SLC7A1: variants seen among roughly 807,000 people sequenced by gnomAD.
SLC7A1 encodes the protein solute carrier family 7 member 1, also known as high affinity cationic amino acid transporter 1.
A neutral mutation model predicts 53.9 loss-of-function variants in SLC7A1; 10 were observed. The ratio of observed to expected loss-of-function variants is 0.19; its 90% CI spans 0.11 to 0.31. The LOEUF is 0.31. Among genes scored for constraint, SLC7A1 ranks in the 10% least tolerant of loss-of-function variants. SLC7A1 has a pLI of 1.00. For synonymous variants in SLC7A1, 342 were observed against 338.7 expected, an observed-to-expected ratio of 1.01 and a Z score of -0.11; for missense variants, 525 against 827.2, an observed-to-expected ratio of 0.63 and a Z score of 4.48.
chr13:29,550,962 A>G (rs1421305269), intron 2 of SLC7A1, among the ~76,000 whole-genome samples: 2 of 152,232 alleles, frequency 1.3e-5, no homozygotes, highest in Admixed American at 6.5e-5. Context: ...CATTGCTTCA[A>G]TGGTGGGGAT....
At chr13:29,568,841 C>T (rs73454208) in intron 1 of SLC7A1, among the ~76,000 whole-genome samples, 4 of 152,094 alleles carry the variant, frequency 2.6e-5, no homozygotes, top group Non-Finnish European at 5.9e-5. Context: ...TGATCAAGTC[C>T]GTCCCTTTAT....
chr13:29,582,922 A>T (rs967211491), intron 1 of SLC7A1, among the ~76,000 whole-genome samples: 1 of 152,212 alleles, frequency 6.6e-6, no homozygotes, highest in Non-Finnish European at 1.5e-5. Flanking sequence ...CGCTCTTTAG[A>T]TAGCAATGAA....
intron 1 of SLC7A1, among the ~76,000 whole-genome samples, chr13:29,583,842 C>T (rs941486682): frequency 6.6e-6 from 1 of 152,160 alleles, no homozygotes. Flanking sequence ...CTAATGAGTG[C>T]TCTTGCTTAA....
At chr13:29,522,705 A>C (rs145434863) in intron 7 of SLC7A1, among the ~76,000 whole-genome samples, 26 of 152,358 alleles carry the variant, frequency 1.7e-4, no homozygotes, top group African/African-American at 5.3e-4. Context: ...ATACACTAGC[A>C]TGAGACCCAG....
intron 1 of SLC7A1, among the ~76,000 whole-genome samples, chr13:29,563,267 C>G (rs529801230): frequency 1.3e-5 from 2 of 152,226 alleles, no homozygotes; most frequent in Non-Finnish European, 2.9e-5. Flanking sequence ...CAGGGCAGTT[C>G]CCTCAACAAA....
chr13:29,530,408 A>C, intron 5 of SLC7A1, 130 bp downstream of exon 5: 1 of 905,514 alleles, frequency 1.1e-6, no homozygotes. Flanking sequence ...GCAAAAACAC[A>C]AAACAATTAA....
chr13:29,578,022 G>A (rs930057669), intron 1 of SLC7A1, among the ~76,000 whole-genome samples: 1 of 152,262 alleles, frequency 6.6e-6, no homozygotes, highest in African/African-American at 2.4e-5. Context: ...GAAGGAACAC[G>A]TGCTGACTTC....
chr13:29,593,208 C>T (rs1872180211), intron 1 of SLC7A1, among the ~76,000 whole-genome samples: 1 of 152,204 alleles, frequency 6.6e-6, no homozygotes, highest in Non-Finnish European at 1.5e-5. Flanking sequence ...TCAGCCTTCC[C>T]ATCTCATTAA....
intron 1 of SLC7A1, among the ~76,000 whole-genome samples, chr13:29,586,943 AG>A (rs1199243878): frequency 6.6e-6 from 1 of 152,248 alleles, no homozygotes; most frequent in Non-Finnish European, 1.5e-5. Context: ...TTTGAAGAGT[AG>A]CCCTTCAGCT....
rs960857362 is a variant in SLC7A1, at chr13:29,510,634, G to C, written c.*3846C>G. 1 of 152,254 alleles carries C rather than the reference G, an allele frequency of 6.6e-6. No individual in the cohort carries two copies. The highest frequency in any genetic ancestry group is 1.5e-5 in the Non-Finnish European group (1 of 68,066). 9.4% of individuals were successfully genotyped at this position (152,254 alleles called of 1,614,324 possible). ...CTGCAATTTCCCCGTCCTCGGAACT[G>C]TCTCACGAGACCACCAGCGCACAGA... On this transcript the variant is annotated 3_prime_UTR_variant, in exon 13 of 13. Coordinates refer to ENST00000380752, the MANE Select transcript of SLC7A1 (RefSeq NM_003045.5).
At chr13:29,559,807 C>T (rs913352503) in intron 1 of SLC7A1, among the ~76,000 whole-genome samples, 1 of 151,966 alleles carries the variant, frequency 6.6e-6, no homozygotes, top group African/African-American at 2.4e-5. Context: ...GCTCCGCCTC[C>T]CAGGTTCACG....
intron 1 of SLC7A1, among the ~76,000 whole-genome samples, chr13:29,569,751 G>A (rs1263785044): frequency 6.6e-6 from 1 of 152,168 alleles, no homozygotes; most frequent in Non-Finnish European, 1.5e-5. Flanking sequence ...AGCAGACACT[G>A]TGCTAGGTCT....
At chr13:29,540,581 T>C (rs1869619378) in intron 2 of SLC7A1, among the ~76,000 whole-genome samples, 1 of 152,220 alleles carries the variant, frequency 6.6e-6, no homozygotes, top group Non-Finnish European at 1.5e-5. Flanking sequence ...CCACCACTGA[T>C]ACATTCCAGC....
intron 1 of SLC7A1, among the ~76,000 whole-genome samples, 200 bp from the exon 2 acceptor site, chr13:29,554,060 G>A (rs1870322175): frequency 6.6e-6 from 1 of 152,224 alleles, no homozygotes; most frequent in Non-Finnish European, 1.5e-5. Context: ...AGAAGATGGG[G>A]AGCCAGAATA....
intron 5 of SLC7A1, among the ~76,000 whole-genome samples, chr13:29,525,657 G>A (rs575808048): frequency 6.6e-6 from 1 of 152,304 alleles, no homozygotes; most frequent in South Asian, 2.1e-4. Flanking sequence ...TGAAGACGCT[G>A]GAAGTACATG....
intron 1 of SLC7A1, among the ~76,000 whole-genome samples, chr13:29,592,172 A>G (rs2139197533): frequency 6.6e-6 from 1 of 152,178 alleles, no homozygotes; most frequent in South Asian, 2.1e-4. Flanking sequence ...TCTGCATTGA[A>G]GCTGTGAAGG....
At position 29,578,021 on chromosome 13, in the gene SLC7A1, C is replaced by T. The variant is rs78104615; in HGVS notation, c.-115+17395G>A. ...CATTTGCAAGTTCTGAGAAGGAACA[C>T]GTGCTGACTTCTAGAGCTGGTCACT... On this transcript the variant is annotated intron_variant, in intron 1 of 12. Coordinates refer to ENST00000380752, the MANE Select transcript of SLC7A1 (RefSeq NM_003045.5). 3.0e-3 allele frequency among the ~76,000 whole-genome samples: 451 copies of T among 152,236 alleles called. 4 individuals are homozygous for T. The highest frequency in any genetic ancestry group is 0.027 in the East Asian group (140 of 5,152).
chr13:29,515,863 G>A (rs1426443067), intron 12 of SLC7A1, among the ~76,000 whole-genome samples: 1 of 152,244 alleles, frequency 6.6e-6, no homozygotes, highest in South Asian at 2.1e-4. Flanking sequence ...TCCTGTCTGG[G>A]GTGAAAATAA....
rs188563240 is a variant in SLC7A1, at chr13:29,572,483, G to A, written c.-114-18623C>T. 7.2e-5 allele frequency among the ~76,000 whole-genome samples: 11 copies of A among 152,284 alleles called. No homozygotes were observed. The East Asian group carries it at 2.1e-3, about 29-fold the overall frequency. ...AAACACTCAGGACCCGCGGCACCAG[G>A]GCGTGGGACTAGAACGAAAAGCAAG... On this transcript the variant is annotated intron_variant, in intron 1 of 12. Transcript: ENST00000380752.
Sources: gnomAD v4.1 joint callset for allele counts (sites outside exome capture counted in the v4.1 genomes callset) on GRCh38, gnomAD v4.1.1 for gene constraint, MANE v1.5 for transcripts, NCBI Gene and HGNC (gene_info 2026-07-23, HGNC 2026-07-21) for gene names.